PABPN1: variants seen among roughly 807,000 people sequenced by gnomAD.
PABPN1 encodes polyadenylate-binding protein 2.
A neutral mutation model predicts 33.4 loss-of-function variants in PABPN1; 5 were observed. The ratio of observed to expected loss-of-function variants is 0.15; its 90% confidence interval spans 0.08 to 0.32. The LOEUF (loss-of-function observed/expected upper bound fraction) is 0.32. PABPN1 is among the 10% of genes least tolerant of loss of function. PABPN1 has a pLI of 1.00. For synonymous variants in PABPN1, 176 were observed against 170.6 expected (o/e 1.03, Z -0.25); for missense variants, 312 against 425.8 (o/e 0.73, Z 2.35).
rs1046641247 is a variant in PABPN1 at position 23,325,268 on chromosome 14, A to G, written c.903A>G (p.Ser301=). 2 of 1,612,888 alleles carry G rather than the reference A, an allele frequency of 1.2e-6. No homozygotes were observed. The highest frequency in any genetic ancestry group is 1.7e-6 in the Non-Finnish European group (2 of 1,179,758). Reference sequence around the variant, plus strand: ...CCAGGGGCCGGGCTAGAGCGACATCATGGTATTCCCCTTACTAAAAAAAGT... The same window carrying G: ...CCAGGGGCCGGGCTAGAGCGACATCGTGGTATTCCCCTTACTAAAAAAAGT... ...RVYRGRARAT[S]WYSPY The change falls in exon 7 of 7, where the codon TCA becomes TCG. Residue 301 remains serine, a synonymous_variant. Transcript: ENST00000216727.
intron 3 of PABPN1, 84 bp downstream of exon 3, chr14:23,323,150 G>A: frequency 1.9e-6 from 3 of 1,579,878 alleles, no homozygotes; most frequent in African/African-American, 1.3e-5. Flanking sequence ...AACATCTCCG[G>A]GATAGATGTG....
intron 6 of PABPN1, chr14:23,324,523 A>C: frequency 3.3e-6 from 2 of 598,420 alleles, no homozygotes; most frequent in Non-Finnish European, 5.9e-6. Context: ...CCTTGGTTCA[A>C]AGAGGCTTCC....
At chr14:23,322,009 A>G in intron 1 of PABPN1, 172 bp from the exon 2 acceptor site, 1 of 805,368 alleles carries the variant, frequency 1.2e-6, no homozygotes, top group Admixed American at 2.5e-5. Context: ...TTCGGGCGTC[A>G]CGGTTGCCTA....
Position 23,323,081 on chromosome 14 carries a change from TCTGA to T in PABPN1, c.534+19_534+22del. 1.2e-6 allele frequency: 2 copies of T among 1,614,102 alleles called. No individual in the cohort carries two copies. Among genetic ancestry groups the T allele is most frequent in the Non-Finnish European group, 1.7e-6 (2 of 1,179,980 alleles). On this transcript the variant is annotated intron_variant, in intron 3 of 6. Coordinates refer to ENST00000216727, the MANE Select transcript of PABPN1 (RefSeq NM_004643.4). ...ATGTTGGCAATGTACGTACTGGGGC[TCTGA>T]CTGGGGTTGGGGGCAAGTTCTTCTT...
Position 23,322,922 on chromosome 14 carries a change from G to A in PABPN1, c.467-77G>A, listed in dbSNP as rs905494557. The stretch of plus-strand genomic sequence containing the variant: ...TTCACTGAGCTTATGGGATAGTGCT[G>A]GTGGTGGAAGTGCAACATATTGGTC... On this transcript the variant is annotated intron_variant, in intron 2 of 6. Coordinates refer to ENST00000216727, the MANE Select transcript of PABPN1 (RefSeq NM_004643.4). 8 of 1,594,416 alleles carry A rather than the reference G, an allele frequency of 5.0e-6. No individual in the cohort carries two copies. In the Admixed American group the frequency reaches 8.3e-5, roughly 17 times the overall value.
intron 6 of PABPN1, chr14:23,325,039 T>C (rs1888636284): frequency 5.3e-6 from 2 of 376,342 alleles, no homozygotes; most frequent in Non-Finnish European, 8.6e-6. Context: ...CGCCACTGTT[T>C]GGCAGTTTTC....
At position 23,324,196 on chromosome 14, in the gene PABPN1, G is replaced by T; in HGVS notation, c.788G>T (p.Arg263Leu). 3 of 1,614,104 alleles carry T rather than the reference G, an allele frequency of 1.9e-6. 1 individual carries two copies. The highest frequency in any genetic ancestry group is 2.2e-5 in the South Asian group (2 of 91,076). ...AGCACAACAGACCGGGGTTTTCCAC[G>T]AGCCCGCTACCGCGCCCGGACCACC... ...GISTTDRGFP[R>L]ARYRARTTNY... Residue 263 changes from arginine to leucine, a missense_variant, in exon 6 of 7, where the codon CGA becomes CTA. Transcript: ENST00000216727.
In PABPN1 at chr14:23,325,995, G is replaced by GTTTTTT. The variant is rs58264930; in HGVS notation, c.*718_*723dup. On this transcript the variant is annotated 3_prime_UTR_variant, in exon 7 of 7. Coordinates refer to ENST00000216727, the MANE Select transcript of PABPN1 (RefSeq NM_004643.4). ...TGTTTTTCAGTTGTTTTGTTTTTTT[G>GTTTTTT]TTTTTTTTTTTTTTCCTTTGCCTTT... The GTTTTTT allele has an allele frequency of 7.1e-6, 1 of 141,676 alleles. No individual in the cohort carries two copies. Among genetic ancestry groups the GTTTTTT allele is most frequent in the Non-Finnish European group, 1.5e-5 (1 of 65,300 alleles). The allele number at this position is 141,676 out of a possible 1,614,324, so 8.8% of individuals were successfully genotyped here. A position where few individuals can be genotyped will look rare whatever the true frequency, so the allele number is the denominator to read the frequency against.
chr14:23,325,145 C>T, intron 6 of PABPN1, 102 bp from the exon 7 acceptor site: 1 of 1,525,682 alleles, frequency 6.6e-7, no homozygotes, highest in Non-Finnish European at 9.1e-7. Context: ...CTTCTTTTCC[C>T]CCCTTCCCTT....
Position 23,325,579 on chromosome 14 carries a change from C to T in PABPN1, c.*293C>T, listed in dbSNP as rs1355994175. ...CAAGCTGCTGCCCATGTTTCCCTGC[C>T]CCACTTCACCCCCTTGGGGGCTGCT... On this transcript the variant is annotated 3_prime_UTR_variant, in exon 7 of 7. Transcript: ENST00000216727. The T allele has an allele frequency of 3.7e-5, 15 of 401,926 alleles. No individual in the cohort carries two copies. In the Admixed American group the frequency reaches 4.8e-4, roughly 13 times the overall value. 24.9% of individuals were successfully genotyped at this position (401,926 alleles called of 1,614,324 possible). A position where few individuals can be genotyped will look rare whatever the true frequency, so the allele number is the denominator to read the frequency against.
Position 23,325,592 on chromosome 14 carries a change from C to T in PABPN1, c.*306C>T. The T allele has an allele frequency of 2.7e-6, 1 of 372,290 alleles. No individual in the cohort carries two copies. The highest frequency in any genetic ancestry group is 4.9e-6 in the Non-Finnish European group (1 of 205,438). The allele number at this position is 372,290 out of a possible 1,614,324, so 23.1% of individuals were successfully genotyped here. ...ATGTTTCCCTGCCCCACTTCACCCC[C>T]TTGGGGGCTGCTCAAGGGTAGGTGG... On this transcript the variant is annotated 3_prime_UTR_variant, in exon 7 of 7. Transcript: ENST00000216727.
Position 23,325,239 on chromosome 14 carries a change from T to G in PABPN1, c.882-8T>G. On this transcript the variant is annotated splice_region_variant and splice_polypyrimidine_tract_variant and intron_variant, in intron 6 of 6. Coordinates refer to ENST00000216727, the MANE Select transcript of PABPN1 (RefSeq NM_004643.4). ...ACGTTAACACCTAACTCTCCTTCTT[T>G]CTTCCAGGGGCCGGGCTAGAGCGAC... The G allele has an allele frequency of 6.2e-7, 1 of 1,613,106 alleles. No homozygotes were observed. The highest frequency in any genetic ancestry group is 8.5e-7 in the Non-Finnish European group (1 of 1,179,876).
rs1441877511 is a variant in PABPN1, at chr14:23,325,404, T to TA, written c.*126dup. On this transcript the variant is annotated 3_prime_UTR_variant, in exon 7 of 7. Coordinates refer to ENST00000216727, the MANE Select transcript of PABPN1 (RefSeq NM_004643.4). ...ACCTTGATGGAAAAAAAATATTTTTTAAAAAAAAGATATACTGTGGAAGGG... is the reference window on the plus strand; with the variant it reads ...ACCTTGATGGAAAAAAAATATTTTTTAAAAAAAAAGATATACTGTGGAAGGG... 2.9e-5 allele frequency: 38 copies of TA among 1,305,926 alleles called. No individual in the cohort carries two copies. Among genetic ancestry groups the TA allele is most frequent in the Admixed American group, 5.4e-5 (2 of 37,338 alleles). 80.9% of individuals were successfully genotyped at this position (1,305,926 alleles called of 1,614,324 possible).
At chr14:23,322,915 T>C in intron 2 of PABPN1, 84 bp from the exon 3 acceptor site, 1 of 1,584,424 alleles carries the variant, frequency 6.3e-7, no homozygotes, top group Non-Finnish European at 8.7e-7. Context: ...GCTTATGGGA[T>C]AGTGCTGGTG....
rs1216260205 is a variant in PABPN1, at chr14:23,325,463, C to T, written c.*177C>T. ...CCCATAACTAACTGCTGAGGAGGGA[C>T]CTGCTTTGGGGAGTAGGGGAAGGCC... On this transcript the variant is annotated 3_prime_UTR_variant, in exon 7 of 7. Coordinates refer to ENST00000216727, the MANE Select transcript of PABPN1 (RefSeq NM_004643.4). The T allele has an allele frequency of 4.7e-6, 4 of 846,516 alleles. No individual in the cohort carries two copies. The highest frequency in any genetic ancestry group is 7.0e-6 in the Non-Finnish European group (4 of 568,488). The allele number at this position is 846,516 out of a possible 1,614,324, so 52.4% of individuals were successfully genotyped here.
intron 6 of PABPN1, 173 bp downstream of exon 6, chr14:23,324,462 G>A: frequency 1.2e-6 from 1 of 812,478 alleles, no homozygotes; most frequent in Non-Finnish European, 2.0e-6. Context: ...CAGAAGGCCA[G>A]CCTCATCATC....
Position 23,325,391 on chromosome 14 carries a change from A to C in PABPN1, c.*105A>C. The stretch of plus-strand genomic sequence containing the variant: ...AAAACAGAAGATGACCTTGATGGAA[A>C]AAAAATATTTTTTAAAAAAAAGATA... On this transcript the variant is annotated 3_prime_UTR_variant, in exon 7 of 7. Transcript: ENST00000216727. 1 of 1,387,872 alleles carries C rather than the reference A, an allele frequency of 7.2e-7. No homozygotes were observed. The highest frequency in any genetic ancestry group is 9.7e-7 in the Non-Finnish European group (1 of 1,029,078). 86.0% of individuals were successfully genotyped at this position (1,387,872 alleles called of 1,614,324 possible). A position where few individuals can be genotyped will look rare whatever the true frequency, so the allele number is the denominator to read the frequency against.
intron 6 of PABPN1, chr14:23,324,530 T>C: frequency 3.4e-6 from 2 of 590,650 alleles, no homozygotes; most frequent in East Asian, 2.9e-5. Context: ...TCAAAGAGGC[T>C]TCCACCCCCA....
At position 23,323,382 on chromosome 14, in the gene PABPN1, C is replaced by G; in HGVS notation, c.540C>G (p.Asp180Glu). Residue 180 changes from aspartate to glutamate, a missense_variant, in exon 4 of 7, where the codon GAC becomes GAG. Around this residue, in one of 3 missense-constraint regions of PABPN1, gnomAD observed 77 missense variants for 185.7 expected, o/e 0.41. Transcript: ENST00000216727. Reference sequence around the variant, plus strand: ...AATTTTTCTCCTCTCATCAGGTGGACTATGGTGCAACAGCAGAAGAGCTGG... The same window carrying G: ...AATTTTTCTCCTCTCATCAGGTGGAGTATGGTGCAACAGCAGAAGAGCTGG... ...DARSIYVGNV[D>E]YGATAEELEA... The G allele has an allele frequency of 6.2e-7, 1 of 1,613,180 alleles. No individual in the cohort carries two copies. The highest frequency in any genetic ancestry group is 8.5e-7 in the Non-Finnish European group (1 of 1,179,916).
Sources: allele counts gnomAD v4.1 joint callset, GRCh38; gene constraint gnomAD v4.1.1; regional missense constraint gnomAD v4.1.1; transcripts MANE v1.5; gene names NCBI Gene and HGNC (gene_info 2026-07-23, HGNC 2026-07-21).